The following NR3C2 variants were observed in gnomAD, a reference collection of about 807,000 sequenced individuals.
NR3C2 encodes the protein mineralocorticoid receptor.
NR3C2 carries 15 observed loss-of-function variants against 86.4 expected under a neutral mutation model. That is an observed-to-expected ratio of 0.17 (90% CI 0.12 to 0.27). The LOEUF is 0.27. NR3C2 is among the 10% of genes least tolerant of loss of function. The probability of loss-of-function intolerance (pLI) is 1.00; values close to 1 mark genes in which losing one functional copy is unlikely to be tolerated. For missense variants in NR3C2, 960 were observed against 1,195.6 expected (o/e 0.80, Z 2.91); for synonymous variants, 458 against 450.5 (o/e 1.02, Z -0.21).
chr4:148,239,516 G>C (rs1738913327), intron 3 of NR3C2, among the ~76,000 whole-genome samples: 1 of 152,138 alleles, frequency 6.6e-6, no homozygotes, highest in Admixed American at 6.5e-5. Flanking sequence ...ATTAAATAGG[G>C]ACCATTGGAG....
chr4:148,227,122 C>T (rs936236951), intron 3 of NR3C2, among the ~76,000 whole-genome samples: 3 of 152,094 alleles, frequency 2.0e-5, no homozygotes, highest in Non-Finnish European at 4.4e-5. Flanking sequence ...CATCGGTTGT[C>T]CACCTATGTC....
intron 2 of NR3C2, among the ~76,000 whole-genome samples, chr4:148,411,329 T>C (rs72732304): frequency 0.15 from 22,950 of 152,156 alleles, 2,183 homozygotes; most frequent in African/African-American, 0.26. Flanking sequence ...AAAATATCCA[T>C]ATACTTAATA....
At chr4:148,185,973 A>G (rs144227323) in intron 4 of NR3C2, among the ~76,000 whole-genome samples, 1 of 152,326 alleles carries the variant, frequency 6.6e-6, no homozygotes, top group East Asian at 1.9e-4. Context: ...TATATAGGAT[A>G]AATTCCTAAA....
intron 3 of NR3C2, among the ~76,000 whole-genome samples, chr4:148,199,394 C>A (rs957920405): frequency 6.6e-6 from 1 of 152,098 alleles, no homozygotes; most frequent in Non-Finnish European, 1.5e-5. Flanking sequence ...TAGACTAGGG[C>A]CCAAGACTAT....
chr4:148,311,268 A>G (rs542134501), intron 2 of NR3C2, among the ~76,000 whole-genome samples: 10 of 152,226 alleles, frequency 6.6e-5, no homozygotes, highest in Non-Finnish European at 1.2e-4. Context: ...CTTCTCCCCA[A>G]ATTCTGAAAT....
intron 3 of NR3C2, among the ~76,000 whole-genome samples, chr4:148,229,132 G>C (rs1309774491): frequency 6.6e-6 from 1 of 152,164 alleles, no homozygotes; most frequent in Non-Finnish European, 1.5e-5. Flanking sequence ...AGATGCAGGA[G>C]GCAGATAAGG....
At chr4:148,082,857 G>A (rs114401740) in intron 8 of NR3C2, among the ~76,000 whole-genome samples, 3 of 151,998 alleles carry the variant, frequency 2.0e-5, no homozygotes, top group African/African-American at 4.8e-5. Flanking sequence ...GTCTGAAGTC[G>A]ACCCGGGATG....
At position 148,080,266 on chromosome 4, in the gene NR3C2, G is replaced by GAACAA. The variant is rs1476299368; in HGVS notation, c.*1073_*1077dup. ...ACAAATGCCCCAAGCGGGAGACCAA[G>GAACAA]AACAAAACAAAAAGTACAGAAAAAG... On this transcript the variant is annotated 3_prime_UTR_variant, in exon 9 of 9. Transcript: ENST00000358102. The GAACAA allele has an allele frequency of 6.6e-6, 1 of 152,454 alleles. No homozygotes were observed. The highest frequency in any genetic ancestry group is 6.6e-5 in the Admixed American group (1 of 15,260). The allele number at this position is 152,454 out of a possible 1,614,324, so 9.4% of individuals were successfully genotyped here.
At chr4:148,113,270 G>C (rs1578896039) in intron 8 of NR3C2, among the ~76,000 whole-genome samples, 1 of 152,224 alleles carries the variant, frequency 6.6e-6, no homozygotes, top group African/African-American at 2.4e-5. Flanking sequence ...GGCAAAGATT[G>C]AGATGATCCA....
intron 2 of NR3C2, among the ~76,000 whole-genome samples, chr4:148,289,916 C>T (rs1579111960): frequency 2.0e-5 from 3 of 152,202 alleles, no homozygotes; most frequent in South Asian, 4.2e-4. Context: ...CCTGCAAAGA[C>T]ATCAATCCTG....
At chr4:148,310,730 C>A (rs567739492) in intron 2 of NR3C2, among the ~76,000 whole-genome samples, 1 of 152,328 alleles carries the variant, frequency 6.6e-6, no homozygotes, top group African/African-American at 2.4e-5. Flanking sequence ...GGGTTAATTT[C>A]TATCAGCATA....
At chr4:148,196,876 T>G (rs545738047) in intron 3 of NR3C2, among the ~76,000 whole-genome samples, 2 of 152,284 alleles carry the variant, frequency 1.3e-5, no homozygotes, top group East Asian at 3.9e-4. Flanking sequence ...AAATGGTAAC[T>G]GATAAATATA....
chr4:148,350,415 G>C (rs1745217099), intron 2 of NR3C2, among the ~76,000 whole-genome samples: 1 of 152,054 alleles, frequency 6.6e-6, no homozygotes. Context: ...AGACAAACTA[G>C]ATATCCTTTA....
chr4:148,384,475 GT>G (rs139815137), intron 2 of NR3C2, among the ~76,000 whole-genome samples: 2 of 151,242 alleles, frequency 1.3e-5, no homozygotes, highest in African/African-American at 2.4e-5. Flanking sequence ...ATAAGAATTT[GT>G]TTTTTTTCAA....
chr4:148,339,814 A>C (rs2149979627), intron 2 of NR3C2, among the ~76,000 whole-genome samples: 1 of 152,326 alleles, frequency 6.6e-6, no homozygotes, highest in East Asian at 1.9e-4. Flanking sequence ...AAATTAGATC[A>C]AAACATTGTT....
chr4:148,101,856 G>A (rs1316186822), intron 8 of NR3C2, among the ~76,000 whole-genome samples: 1 of 149,808 alleles, frequency 6.7e-6, no homozygotes, highest in African/African-American at 2.5e-5. Context: ...TTTTACTAAG[G>A]AGCTTTGCTG....
chr4:148,267,894 C>T (rs1229214421), intron 2 of NR3C2, among the ~76,000 whole-genome samples: 1 of 151,098 alleles, frequency 6.6e-6, no homozygotes, highest in African/African-American at 2.4e-5. Flanking sequence ...AAGCTCTTTG[C>T]TGCATTTCCT....
intron 3 of NR3C2, among the ~76,000 whole-genome samples, chr4:148,209,543 C>T (rs1276193970): frequency 6.6e-6 from 1 of 152,190 alleles, no homozygotes; most frequent in Non-Finnish European, 1.5e-5. Flanking sequence ...AGTGATTCTC[C>T]TGCTATGGCC....
At chr4:148,293,726 C>T (rs143089055) in intron 2 of NR3C2, among the ~76,000 whole-genome samples, 45 of 152,224 alleles carry the variant, frequency 3.0e-4, no homozygotes, top group East Asian at 9.7e-4. Flanking sequence ...GAGCTCAGTC[C>T]TTGACACTGA....
Sources: allele counts gnomAD v4.1 joint callset (sites outside exome capture counted in the v4.1 genomes callset), GRCh38; gene constraint gnomAD v4.1.1; transcripts MANE v1.5; gene names NCBI Gene and HGNC (gene_info 2026-07-23, HGNC 2026-07-21).